Variants in PSKH1 observed in about 807,000 individuals in gnomAD.
The protein encoded by PSKH1 is serine/threonine-protein kinase H1.
Under a neutral mutation model 26.7 loss-of-function variants are expected in PSKH1, and 12 were observed. The observed-to-expected ratio is 0.45, with a 90% CI of 0.29 to 0.73. PSKH1 has a LOEUF of 0.73. Ranked by LOEUF, PSKH1 falls within the 30% of genes least tolerant of loss-of-function variation. The pLI, the probability that PSKH1 is intolerant of heterozygous loss-of-function variation, is 0.11. For missense variants in PSKH1, 431 were observed against 595.2 expected, an observed-to-expected ratio of 0.72 and a Z score of 2.87; for synonymous variants, 213 against 234.3, an observed-to-expected ratio of 0.91 and a Z score of 0.83.
chr16:67,902,692 C>T (rs1257285158), intron 1 of PSKH1, among the ~76,000 whole-genome samples: 1 of 152,142 alleles, frequency 6.6e-6, no homozygotes, highest in Admixed American at 6.5e-5. Flanking sequence ...GTACATGTGC[C>T]TGTAGATGAC....
chr16:67,899,587 G>A (rs2058136373), intron 1 of PSKH1, among the ~76,000 whole-genome samples: 1 of 151,934 alleles, frequency 6.6e-6, no homozygotes, highest in African/African-American at 2.4e-5. Context: ...GGCCCGCCTT[G>A]GCCTCCCAAA....
At chr16:67,911,818 G>A (rs1348910539) in intron 2 of PSKH1, among the ~76,000 whole-genome samples, 2 of 152,254 alleles carry the variant, frequency 1.3e-5, no homozygotes, top group African/African-American at 4.8e-5. Context: ...CCTCCTGCTG[G>A]GGAGGGGGCT....
chr16:67,905,048 G>A (rs113348240), intron 1 of PSKH1, among the ~76,000 whole-genome samples: 79 of 150,964 alleles, frequency 5.2e-4, no homozygotes, highest in African/African-American at 1.9e-3. Context: ...GGATGGTCTC[G>A]ATCTCCTGAC....
chr16:67,909,163 G>A lies in PSKH1; in HGVS notation c.414G>A (p.Glu138=). The change falls in exon 2 of 3, where the codon GAG becomes GAA. Residue 138 remains glutamate (E), a synonymous_variant. Coordinates refer to ENST00000291041, the MANE Select transcript of PSKH1 (RefSeq NM_006742.3). This position sits in a 1 kb window ranked among gnomAD's most constrained non-coding sequence, Gnocchi z 7.8. ...MIETKYREGR[E]VCESELRVLR... is the part of the protein sequence containing the mutation. ...AGACCAAGTACCGGGAGGGGCGGGA[G>A]GTGTGTGAGTCGGAGCTGCGTGTGC... The A allele has an allele frequency of 1.2e-6, 2 of 1,614,158 alleles. No homozygotes were observed. The highest frequency in any genetic ancestry group is 1.7e-6 in the Non-Finnish European group (2 of 1,180,036).
At position 67,909,368 on chromosome 16, in the gene PSKH1, C is replaced by T. The variant is rs746869313; in HGVS notation, c.619C>T (p.Arg207Trp). 26 of 1,613,828 alleles carry T rather than the reference C, an allele frequency of 1.6e-5. No individual in the cohort carries two copies. The highest frequency in any genetic ancestry group is 2.7e-5 in the African/African-American group (2 of 74,868). ...RVLQMVLDGV[R>W]YLHALGITHR... ...GCTGCAGATGGTGCTGGATGGCGTC[C>T]GGTATCTGCATGCACTGGGCATCAC... Residue 207 changes from arginine (R) to tryptophan (W), a missense_variant, in exon 2 of 3, where the codon CGG (arginine) becomes TGG (tryptophan). By Grantham distance (101) the Arg-to-Trp change is moderately radical. Coordinates refer to ENST00000291041, the MANE Select transcript of PSKH1 (RefSeq NM_006742.3). This position sits in a 1 kb window ranked among gnomAD's most constrained non-coding sequence, Gnocchi z 7.8.
intron 1 of PSKH1, among the ~76,000 whole-genome samples, chr16:67,906,084 T>C (rs1021064709): frequency 2.6e-4 from 39 of 152,150 alleles, no homozygotes; most frequent in Non-Finnish European, 5.0e-4. Context: ...TTTTTTTTTT[T>C]CTTTTTGAGA....
rs1309451168 is a variant in PSKH1 at position 67,893,298 on chromosome 16, C to T, written c.-144C>T. On this transcript the variant is annotated 5_prime_UTR_variant, in exon 1 of 3. Transcript: ENST00000291041. ...AGAATGGCGGCGGCGGCGGCGGCGG[C>T]GGCGGCCGCTGCCATTGCCCGGAGA... 3 of 165,164 alleles carry T rather than the reference C, an allele frequency of 1.8e-5. No homozygotes were observed. Among genetic ancestry groups the T allele is most frequent in the Middle Eastern group, 2.9e-3 (1 of 340 alleles). The allele number at this position is 165,164 out of a possible 1,614,324, so 10.2% of individuals were successfully genotyped here. A position where few individuals can be genotyped will look rare whatever the true frequency, so the allele number is the denominator to read the frequency against.
chr16:67,907,949 ACACTTCACACCCC>A (rs2058161134), intron 1 of PSKH1, among the ~76,000 whole-genome samples: 1 of 152,182 alleles, frequency 6.6e-6, no homozygotes, highest in South Asian at 2.1e-4. Flanking sequence ...CAGGCCTCCA[ACACTTCACACCCC>A]CATTTCAGAA....
chr16:67,899,772 C>T (rs2058136882), intron 1 of PSKH1, among the ~76,000 whole-genome samples: 1 of 151,456 alleles, frequency 6.6e-6, no homozygotes, highest in Admixed American at 6.6e-5. Context: ...CTCAGCCTCC[C>T]AAGTAGCTGG....
intron 2 of PSKH1, among the ~76,000 whole-genome samples, chr16:67,912,828 A>G (rs928296295): frequency 1.3e-5 from 2 of 151,746 alleles, no homozygotes; most frequent in Admixed American, 1.3e-4. Flanking sequence ...AGATTGTGCC[A>G]TTGCACTTCA....
In PSKH1 at chr16:67,893,305, C is replaced by CGGCGGCCGCT. The variant is rs2058116465; in HGVS notation, c.-136_-135insGCGGCCGCTG. ...CGGCGGCGGCGGCGGCGGCGGCGGC[C>CGGCGGCCGCT]GCTGCCATTGCCCGGAGATGGCCGG... On this transcript the variant is annotated 5_prime_UTR_variant, in exon 1 of 3. An upstream open reading frame in the 5' UTR loses its in-frame stop. Transcript: ENST00000291041. 1 of 159,958 alleles carries CGGCGGCCGCT rather than the reference C, an allele frequency of 6.3e-6. No individual in the cohort carries two copies. The highest frequency in any genetic ancestry group is 2.5e-5 in the African/African-American group (1 of 40,040). 9.9% of individuals were successfully genotyped at this position (159,958 alleles called of 1,614,324 possible). A position where few individuals can be genotyped will look rare whatever the true frequency, so the allele number is the denominator to read the frequency against.
chr16:67,909,085 G>A lies in PSKH1; in HGVS notation c.336G>A (p.Val112=), dbSNP rs142428979. ...TTGGCCGAGGCAGCTTCAGCCGAGT[G>A]GTACGTGTAGAGCACCGGGCAACCC... is the stretch of plus-strand genomic sequence containing the variant. ...ALIGRGSFSR[V]VRVEHRATRQ... is the part of the protein sequence containing the mutation. Residue 112 remains valine, a synonymous_variant, in exon 2 of 3, where the codon GTG becomes GTA. Transcript: ENST00000291041. The surrounding 1 kb of genome is among the most constrained non-coding windows in gnomAD (Gnocchi z 7.8). 26 of 1,614,110 alleles carry A rather than the reference G, an allele frequency of 1.6e-5. No individual in the cohort carries two copies. The African/African-American group carries it at 3.2e-4, about 20-fold the overall frequency.
intron 2 of PSKH1, among the ~76,000 whole-genome samples, chr16:67,921,805 T>C (rs117860120): frequency 1.2e-4 from 18 of 152,288 alleles, no homozygotes; most frequent in Non-Finnish European, 2.4e-4. Context: ...TCCTTCTCGA[T>C]CTTGAGTTGT....
chr16:67,893,272 G>T lies in PSKH1; in HGVS notation c.-170G>T. 2 of 158,124 alleles carry T rather than the reference G, an allele frequency of 1.3e-5. No individual in the cohort carries two copies. Among genetic ancestry groups the T allele is most frequent in the South Asian group, 1.7e-4 (1 of 6,000 alleles). 9.8% of individuals were successfully genotyped at this position (158,124 alleles called of 1,614,324 possible). ...TGATGACGCCACGACGCTAACGCCC[G>T]AGAATGGCGGCGGCGGCGGCGGCGG... On this transcript the variant is annotated 5_prime_UTR_variant, in exon 1 of 3. Transcript: ENST00000291041.
chr16:67,895,936 C>T (rs539758192), intron 1 of PSKH1, among the ~76,000 whole-genome samples: 1 of 152,224 alleles, frequency 6.6e-6, no homozygotes, highest in East Asian at 1.9e-4. Context: ...TCCTAATTTC[C>T]TTATTCCAAA....
chr16:67,923,666 T>A (rs2151315068), intron 2 of PSKH1, among the ~76,000 whole-genome samples: 1 of 152,342 alleles, frequency 6.6e-6, no homozygotes, highest in South Asian at 2.1e-4. Flanking sequence ...ACTGCCCAGG[T>A]GGGTCTTGGC....
chr16:67,925,200 T>A (rs9746560), intron 2 of PSKH1, among the ~76,000 whole-genome samples: 4,468 of 141,938 alleles, frequency 0.031, 174 homozygotes, highest in African/African-American at 0.11. Context: ...ATATGAATAT[T>A]TTTTTTTTTT....
At chr16:67,911,490 C>T (rs368989826) in intron 2 of PSKH1, among the ~76,000 whole-genome samples, 1 of 152,196 alleles carries the variant, frequency 6.6e-6, no homozygotes, top group African/African-American at 2.4e-5. Context: ...CAAGACCAGC[C>T]TGGCCAACAT....
At chr16:67,895,878 G>T (rs953115581) in intron 1 of PSKH1, among the ~76,000 whole-genome samples, 16 of 152,144 alleles carry the variant, frequency 1.1e-4, no homozygotes, top group Admixed American at 1.0e-3. Context: ...GTGTCAGAAA[G>T]ACCTGGATTC....
Sources: gnomAD v4.1 joint callset for allele counts (sites outside exome capture counted in the v4.1 genomes callset) on GRCh38, gnomAD v4.1.1 for gene constraint, Gnocchi (gnomAD v3.1) non-coding constraint, MANE v1.5 for transcripts, NCBI Gene and HGNC (gene_info 2026-07-23, HGNC 2026-07-21) for gene names.